The following FOXD4L4 variants were observed in gnomAD, a reference collection of about 807,000 sequenced individuals.
FOXD4L4 encodes the protein forkhead box protein D4-like 4.
A neutral mutation model predicts 24.1 loss-of-function variants in FOXD4L4; 5 were observed. That is an observed-to-expected ratio of 0.21 (90% CI 0.11 to 0.44). The LOEUF (loss-of-function observed/expected upper bound fraction) is 0.44, where lower values mean the gene tolerates loss of function less well. Ranked by LOEUF, FOXD4L4 falls within the 20% of genes least tolerant of loss-of-function variation. The pLI is 0.99. For missense variants in FOXD4L4, 128 were observed against 617.5 expected (o/e 0.21, Z 8.40); for synonymous variants, 71 against 276.2 (o/e 0.26, Z 7.37).
At chr9:65,737,320 C>A in exon 1 of FOXD4L4, 1 of 1,612,454 alleles carries the variant, frequency 6.2e-7, no homozygotes, top group South Asian at 1.1e-5. Context: ...CCAGCCGGGG[C>A]TGCAGGTGGC....
At chr9:65,737,703 C>G in exon 1 of FOXD4L4, 2 of 1,609,210 alleles carry the variant, frequency 1.2e-6, no homozygotes, top group Middle Eastern at 2.3e-4. Flanking sequence ...GCCTGGACCC[C>G]GCCTCCCAGG....
At chr9:65,737,837 C>G in exon 1 of FOXD4L4, 1 of 1,605,974 alleles carries the variant, frequency 6.2e-7, no homozygotes, top group Non-Finnish European at 8.5e-7. Context: ...CTGCACAACC[C>G]CCACCCAGGC....
chr9:65,737,744 G>T, exon 1 of FOXD4L4: 1 of 1,608,552 alleles, frequency 6.2e-7, no homozygotes, highest in Middle Eastern at 2.3e-4. Context: ...TTTCTCCGGC[G>T]TAGGAAGCGT....
At chr9:65,737,422 C>T in exon 1 of FOXD4L4, 1 of 1,609,596 alleles carries the variant, frequency 6.2e-7, no homozygotes, top group Non-Finnish European at 8.5e-7. Context: ...GTTCAGGGCA[C>T]CGCCAAGGTC....
chr9:65,738,164 G>A (rs1436205130), exon 1 of FOXD4L4: 10 of 1,601,988 alleles, frequency 6.2e-6, no homozygotes, highest in Middle Eastern at 2.3e-4. Flanking sequence ...CGGGTACAGG[G>A]GCTGCGCAGA....
chr9:65,737,972 G>A (rs1209857366), exon 1 of FOXD4L4: 12 of 1,580,554 alleles, frequency 7.6e-6, no homozygotes, highest in Non-Finnish European at 7.7e-6. Context: ...CTCTCGGCCC[G>A]CGTCTATGCC....
At chr9:65,737,864 C>A (rs1476431203) in exon 1 of FOXD4L4, 7 of 1,602,800 alleles carry the variant, frequency 4.4e-6, no homozygotes, top group Non-Finnish European at 5.9e-6. Flanking sequence ...CTTGGGGCCC[C>A]TGCCCCGCCG....
exon 1 of FOXD4L4, chr9:65,737,826 C>A: frequency 3.7e-6 from 6 of 1,609,164 alleles, no homozygotes; most frequent in Non-Finnish European, 5.1e-6. Context: ...CACACGCCGC[C>A]CTGCACAACC....
exon 1 of FOXD4L4, chr9:65,737,369 A>T: frequency 1.9e-6 from 3 of 1,611,480 alleles, no homozygotes; most frequent in Non-Finnish European, 1.7e-6. Context: ...GAGCACATCG[A>T]GGGCGGCGGC....
exon 1 of FOXD4L4, chr9:65,738,014 T>A: frequency 6.2e-7 from 1 of 1,605,134 alleles, no homozygotes; most frequent in Admixed American, 1.7e-5. Context: ...GGCGCGGACC[T>A]GGCGACCCCG....
rs1468297623 is a variant in FOXD4L4 at position 65,738,011 on chromosome 9, A to C, written c.866A>C (p.Asp289Ala). 155 of 1,604,630 alleles carry C rather than the reference A, an allele frequency of 9.7e-5. 2 individuals are homozygous for C. The highest frequency in any genetic ancestry group is 9.0e-4 in the South Asian group (82 of 90,744). Residue 289 changes from aspartate (D) to alanine (A), a missense_variant, in exon 1 of 1, where the codon GAC (aspartate) becomes GCC (alanine). Coordinates refer to ENST00000377413, the Ensembl canonical transcript of FOXD4L4. ...GCACCGAAGAAAGCAGAAGGCGCGGACCTGGCGACCCCGGCACCCTTCCCG... is the reference window on the plus strand; with the variant it reads ...GCACCGAAGAAAGCAGAAGGCGCGGCCCTGGCGACCCCGGCACCCTTCCCG...
At chr9:65,737,671 C>A in exon 1 of FOXD4L4, 2 of 1,608,882 alleles carry the variant, frequency 1.2e-6, no homozygotes, top group Non-Finnish European at 1.7e-6. Flanking sequence ...GCCGGGCCAC[C>A]CAGGCAAGGG....
exon 1 of FOXD4L4, chr9:65,737,989 C>T (rs1163361586): frequency 2.3e-5 from 37 of 1,603,346 alleles, no homozygotes; most frequent in Non-Finnish European, 3.0e-5. Flanking sequence ...TGCCGGGGCA[C>T]CGAAGAAAGC....
chr9:65,737,338 G>A (rs1205026718), exon 1 of FOXD4L4: 37 of 1,612,242 alleles, frequency 2.3e-5, no homozygotes, highest in Non-Finnish European at 3.0e-5. Flanking sequence ...GGCCCGGTGG[G>A]GCGGGGTTGC....
exon 1 of FOXD4L4, chr9:65,738,041 G>A: frequency 6.2e-7 from 1 of 1,607,530 alleles, no homozygotes; most frequent in South Asian, 1.1e-5. Flanking sequence ...TTCCCGTGCT[G>A]CAGCCCTCAC....
the FOXD4L4 span, chr9:65,737,982 CG>C: frequency 6.2e-7 from 1 of 1,602,644 alleles, no homozygotes; most frequent in Non-Finnish European, 8.5e-7. Flanking sequence ...GCGTCTATGC[CG>C]GGGCACCGAA....
exon 1 of FOXD4L4, chr9:65,737,991 G>A: frequency 6.2e-7 from 1 of 1,603,544 alleles, no homozygotes; most frequent in Non-Finnish European, 8.5e-7. Flanking sequence ...CCGGGGCACC[G>A]AAGAAAGCAG....
chr9:65,737,394 T>G, exon 1 of FOXD4L4: 5 of 1,501,006 alleles, frequency 3.3e-6, no homozygotes, highest in Non-Finnish European at 4.4e-6. Flanking sequence ...CGAGTGACCC[T>G]TCAGAGTTTG....
At chr9:65,738,108 T>TA in the FOXD4L4 span, 1 of 1,603,874 alleles carries the variant, frequency 6.2e-7, no homozygotes, top group Admixed American at 1.7e-5. Flanking sequence ...GGGAGGCGGA[T>TA]GCTTCTCTTT....
Sources: allele counts gnomAD v4.1 joint callset, GRCh38; gene constraint gnomAD v4.1.1; transcripts MANE v1.5; gene names NCBI Gene and HGNC (gene_info 2026-07-23, HGNC 2026-07-21).